The following PRR16 variants were observed in gnomAD, a reference collection of about 807,000 sequenced individuals.
The protein encoded by PRR16 is proline rich 16.
In PRR16, 6 loss-of-function variants were observed where a neutral mutation model predicts 18.2. The ratio of observed to expected loss-of-function variants is 0.33; its 90% CI spans 0.18 to 0.65. The LOEUF is 0.65. PRR16 is among the 30% of genes least tolerant of loss of function. The pLI is 0.74. For synonymous variants in PRR16, 151 were observed against 147.8 expected (o/e 1.02, Z -0.16); for missense variants, 412 against 376.6 (o/e 1.09, Z -0.78).
At position 120,550,864 on chromosome 5, in the gene PRR16, C is replaced by G. The variant is rs540248720; in HGVS notation, c.159+86219C>G. Among the ~76,000 whole-genome samples, 25 of 152,010 alleles carry G rather than the reference C, an allele frequency of 1.6e-4. No individual in the cohort carries two copies. In the South Asian group the frequency reaches 5.2e-3, roughly 32 times the overall value. ...TTTCAGTATTTTCATTCCTCTTTACCAGCTCTCAATACCGTTTCTCCTTTT... is the reference window on the plus strand; with the variant it reads ...TTTCAGTATTTTCATTCCTCTTTACGAGCTCTCAATACCGTTTCTCCTTTT... On this transcript the variant is annotated intron_variant, in intron 1 of 1. Coordinates refer to ENST00000407149, the MANE Select transcript of PRR16 (RefSeq NM_001300783.2).
chr5:120,784,735 AG>A, the PRR16 span, among the ~76,000 whole-genome samples: 4 of 152,214 alleles, frequency 2.6e-5, no homozygotes, highest in African/African-American at 7.2e-5. Context: ...CCAGGTCTCA[AG>A]GAAACTTTTG....
intron 1 of PRR16, among the ~76,000 whole-genome samples, chr5:120,476,435 T>C (rs1016666438): frequency 1.3e-5 from 2 of 152,184 alleles, no homozygotes; most frequent in Middle Eastern, 3.2e-3. Context: ...TTCACAGTTA[T>C]TCCCTGGTTG....
chr5:120,530,520 T>C (rs1179413933), intron 1 of PRR16, among the ~76,000 whole-genome samples: 1 of 151,822 alleles, frequency 6.6e-6, no homozygotes, highest in Non-Finnish European at 1.5e-5. Flanking sequence ...CTTAATTTCT[T>C]TTTTGTTTGC....
chr5:120,720,250 T>C, the PRR16 span, among the ~76,000 whole-genome samples: 1 of 152,030 alleles, frequency 6.6e-6, no homozygotes, highest in Non-Finnish European at 1.5e-5. Context: ...ATGTCCCTAC[T>C]TATTTCACCT....
chr5:120,773,365 T>G, the PRR16 span, among the ~76,000 whole-genome samples: 4 of 152,142 alleles, frequency 2.6e-5, no homozygotes, highest in Admixed American at 2.6e-4. Context: ...CTCTTGGCCA[T>G]TCCTGACATA....
At chr5:120,564,324 C>A (rs1752667874) in intron 1 of PRR16, among the ~76,000 whole-genome samples, 1 of 152,062 alleles carries the variant, frequency 6.6e-6, no homozygotes, top group African/African-American at 2.4e-5. Context: ...CTAGACTTTG[C>A]CTAAGAAATC....
chr5:120,693,222 T>A, the PRR16 span, among the ~76,000 whole-genome samples: 2 of 152,214 alleles, frequency 1.3e-5, no homozygotes, highest in Admixed American at 6.5e-5. Flanking sequence ...AGATCTTAAG[T>A]GCTCCTGATA....
At chr5:120,561,853 C>T (rs1580726762) in intron 1 of PRR16, among the ~76,000 whole-genome samples, 1 of 152,138 alleles carries the variant, frequency 6.6e-6, no homozygotes, top group Non-Finnish European at 1.5e-5. Flanking sequence ...GTAAGAAGTG[C>T]CTTTCGCCTT....
chr5:120,630,256 G>A (rs761835306), intron 1 of PRR16, among the ~76,000 whole-genome samples: 2 of 151,154 alleles, frequency 1.3e-5, no homozygotes, highest in Non-Finnish European at 2.9e-5. Flanking sequence ...TCTTGTTCAC[G>A]TCCTTAGTCA....
intron 1 of PRR16, among the ~76,000 whole-genome samples, chr5:120,547,393 CT>C (rs540385833): frequency 8.1e-4 from 123 of 152,160 alleles, no homozygotes; most frequent in African/African-American, 2.8e-3. Context: ...GGTATATAAT[CT>C]TGGTTTCCAA....
At chr5:120,623,018 T>G (rs1471086921) in intron 1 of PRR16, among the ~76,000 whole-genome samples, 2 of 152,138 alleles carry the variant, frequency 1.3e-5, no homozygotes, top group Non-Finnish European at 2.9e-5. Flanking sequence ...ATGAATTTTT[T>G]TTCACAAAAA....
At chr5:120,705,552 T>A in the PRR16 span, among the ~76,000 whole-genome samples, 3 of 152,152 alleles carry the variant, frequency 2.0e-5, no homozygotes, top group Non-Finnish European at 4.4e-5. Flanking sequence ...ATGTTTTTTC[T>A]TTATAATCAG....
intron 1 of PRR16, among the ~76,000 whole-genome samples, chr5:120,523,557 G>C (rs1322133082): frequency 1.3e-5 from 2 of 151,926 alleles, no homozygotes; most frequent in Non-Finnish European, 2.9e-5. Flanking sequence ...AAGTTGCAGT[G>C]ACATTCACTG....
chr5:120,774,354 T>G, the PRR16 span, among the ~76,000 whole-genome samples: 1 of 152,178 alleles, frequency 6.6e-6, no homozygotes, highest in Non-Finnish European at 1.5e-5. Context: ...TGTAGTTCTA[T>G]TCTAGAAAAT....
At chr5:120,517,829 G>T (rs1464098835) in intron 1 of PRR16, among the ~76,000 whole-genome samples, 1 of 152,116 alleles carries the variant, frequency 6.6e-6, no homozygotes, top group Non-Finnish European at 1.5e-5. Flanking sequence ...TAGAAGGCCT[G>T]GGTTGTAATT....
intron 1 of PRR16, among the ~76,000 whole-genome samples, chr5:120,608,817 G>A (rs559751083): frequency 1.1e-4 from 16 of 151,976 alleles, no homozygotes; most frequent in Admixed American, 2.6e-4. Flanking sequence ...TTTGACCTTC[G>A]AAAATAAGCT....
chr5:120,693,124 A>G, the PRR16 span, among the ~76,000 whole-genome samples: 1 of 152,172 alleles, frequency 6.6e-6, no homozygotes, highest in Non-Finnish European at 1.5e-5. Flanking sequence ...TGATATATGT[A>G]TATATAATAT....
At chr5:120,546,119 G>C (rs535961534) in intron 1 of PRR16, among the ~76,000 whole-genome samples, 2 of 152,010 alleles carry the variant, frequency 1.3e-5, no homozygotes, top group Non-Finnish European at 2.9e-5. Flanking sequence ...GTTAATAACA[G>C]TGTTGCAACG....
chr5:120,528,553 A>G (rs548358723), intron 1 of PRR16, among the ~76,000 whole-genome samples: 1 of 152,192 alleles, frequency 6.6e-6, no homozygotes, highest in Admixed American at 6.6e-5. Context: ...CTGTAAATCA[A>G]TTATGAATTT....
Sources: gnomAD v4.1 joint callset for allele counts (sites outside exome capture counted in the v4.1 genomes callset) on GRCh38, gnomAD v4.1.1 for gene constraint, MANE v1.5 for transcripts, NCBI Gene and HGNC (gene_info 2026-07-23, HGNC 2026-07-21) for gene names.